Variants in RNF32 observed in about 807,000 individuals in gnomAD.
The protein encoded by RNF32 is ring finger protein 32.
RNF32 carries 36 observed loss-of-function variants against 41.0 expected under a neutral mutation model. The ratio of observed to expected loss-of-function variants is 0.88; its 90% CI spans 0.67 to 1.16. The LOEUF is 1.16. RNF32 is among the 50% of genes most tolerant of loss of function. The pLI is 0.00. For missense variants in RNF32, 413 were observed against 436.7 expected (o/e 0.95, Z 0.48); for synonymous variants, 154 against 160.9 (o/e 0.96, Z 0.32).
chr7:156,652,259 G>T (rs1469085553), intron 3 of RNF32, among the ~76,000 whole-genome samples: 2 of 152,054 alleles, frequency 1.3e-5, no homozygotes, highest in African/African-American at 4.8e-5. Context: ...TTTGAGGCCT[G>T]TTTTTTTGAG....
At position 156,655,182 on chromosome 7, in the gene RNF32, T is replaced by G. The variant is rs1799416031; in HGVS notation, c.417+464T>G. Among the ~76,000 whole-genome samples the G allele has an allele frequency of 2.0e-5, 3 of 151,724 alleles. No homozygotes were observed. In the South Asian group the frequency reaches 6.2e-4, roughly 31 times the overall value. ...TTTAATGATTTTTATTCATGAAACTTTACCATAGTAAGACTGATGATACTA... is the reference window on the plus strand; with the variant it reads ...TTTAATGATTTTTATTCATGAAACTGTACCATAGTAAGACTGATGATACTA... On this transcript the variant is annotated intron_variant, in intron 4 of 8. Coordinates refer to ENST00000317955, the MANE Select transcript of RNF32 (RefSeq NM_030936.4).
rs553635543 is a variant in RNF32 at position 156,663,913 on chromosome 7, C to G, written c.684+5343C>G. Among the ~76,000 whole-genome samples, 24 of 152,330 alleles carry G rather than the reference C, an allele frequency of 1.6e-4. No homozygotes were observed. The South Asian group carries it at 4.3e-3, about 28-fold the overall frequency. Reference sequence around the variant, plus strand: ...GCGTTACTGCCAAGAACATTCCACACGGATTACACTCTCAAATACATTTTA... The same window carrying G: ...GCGTTACTGCCAAGAACATTCCACAGGGATTACACTCTCAAATACATTTTA... On this transcript the variant is annotated intron_variant, in intron 7 of 8. Transcript: ENST00000317955.
chr7:156,644,724 G>T lies in RNF32; in HGVS notation c.241G>T (p.Val81Phe). Reference sequence around the variant, plus strand: ...ACTAGAAGACTCAGAAAAAGAATATGTTCTTGATCCCAAACCGCCGCCGTT... The same window carrying T: ...ACTAGAAGACTCAGAAAAAGAATATTTTCTTGATCCCAAACCGCCGCCGTT... ...PKLEDSEKEY[V>F]LDPKPPPLTL... The change falls in exon 3 of 9, where the codon GTT becomes TTT. Residue 81 changes from valine to phenylalanine, a missense_variant. Coordinates refer to ENST00000317955, the MANE Select transcript of RNF32 (RefSeq NM_030936.4). 4 of 1,610,748 alleles carry T rather than the reference G, an allele frequency of 2.5e-6. No homozygotes were observed. The highest frequency in any genetic ancestry group is 2.5e-6 in the Non-Finnish European group (3 of 1,179,438).
At chr7:156,652,596 G>GA (rs1171049430) in intron 3 of RNF32, among the ~76,000 whole-genome samples, 2 of 152,010 alleles carry the variant, frequency 1.3e-5, no homozygotes, top group Non-Finnish European at 2.9e-5. Flanking sequence ...TAATGGAGTT[G>GA]AAAAATTCCT....
chr7:156,676,948 G>A lies in RNF32; in HGVS notation c.*293G>A, dbSNP rs1018824455. 5 of 331,004 alleles carry A rather than the reference G, an allele frequency of 1.5e-5. No individual in the cohort carries two copies. The highest frequency in any genetic ancestry group is 2.8e-5 in the Non-Finnish European group (5 of 177,326). 20.5% of individuals were successfully genotyped at this position (331,004 alleles called of 1,614,324 possible). ...AAATTGAGGTTAAGATATAGCTAGT[G>A]TCTGAACGACACTCCTTAAAGTAAG... On this transcript the variant is annotated 3_prime_UTR_variant, in exon 9 of 9. Coordinates refer to ENST00000317955, the MANE Select transcript of RNF32 (RefSeq NM_030936.4).
intron 1 of RNF32, among the ~76,000 whole-genome samples, chr7:156,642,514 T>C (rs925639383): frequency 6.6e-6 from 1 of 152,252 alleles, no homozygotes; most frequent in Non-Finnish European, 1.5e-5. Context: ...GCTGGGCCTT[T>C]CTTACTGCAT....
chr7:156,666,722 A>G (rs778728726), intron 7 of RNF32, among the ~76,000 whole-genome samples: 2 of 152,206 alleles, frequency 1.3e-5, no homozygotes, highest in African/African-American at 2.4e-5. Context: ...AAGGTCACTC[A>G]AGCTGTTCTA....
intron 7 of RNF32, among the ~76,000 whole-genome samples, chr7:156,666,666 AC>A (rs1801379835): frequency 6.6e-6 from 1 of 152,196 alleles, no homozygotes. Flanking sequence ...GTCCTCGAAC[AC>A]TTATTCATTC....
intron 8 of RNF32, 141 bp downstream of exon 8, chr7:156,676,004 T>C: frequency 1.3e-6 from 1 of 792,382 alleles, no homozygotes; most frequent in Non-Finnish European, 1.8e-6. Flanking sequence ...GTGGAGGCTG[T>C]GGGGGTGGCA....
intron 7 of RNF32, among the ~76,000 whole-genome samples, chr7:156,666,130 T>A (rs1413504630): frequency 6.6e-6 from 1 of 152,198 alleles, no homozygotes; most frequent in Non-Finnish European, 1.5e-5. Context: ...AATAGTTTGA[T>A]ATTTTTAGAC....
At chr7:156,643,982 A>G in intron 2 of RNF32, 90 bp downstream of exon 2, 2 of 1,174,898 alleles carry the variant, frequency 1.7e-6, no homozygotes, top group South Asian at 2.6e-5. Context: ...ACTAGTTTGC[A>G]AACCCTGCTT....
intron 7 of RNF32, among the ~76,000 whole-genome samples, chr7:156,671,053 T>A (rs1251478974): frequency 6.6e-6 from 1 of 152,202 alleles, no homozygotes; most frequent in African/African-American, 2.4e-5. Flanking sequence ...GGATAAAAAT[T>A]CCAATTTAGA....
rs200889939 is a variant in RNF32, at chr7:156,675,783, A to G, written c.772A>G (p.Asn258Asp). 1.2e-6 allele frequency: 2 copies of G among 1,614,128 alleles called. No individual in the cohort carries two copies. The highest frequency in any genetic ancestry group is 2.2e-5 in the South Asian group (2 of 91,078). ...AGAAATCGATCAGTGCTTGGCCATAAATCGAAGTGTTCTTCAGCAGTTGGA... is the reference window on the plus strand; with the variant it reads ...AGAAATCGATCAGTGCTTGGCCATAGATCGAAGTGTTCTTCAGCAGTTGGA... ...FAEIDQCLAI[N>D]RSVLQQLEEK... Residue 258 changes from asparagine to aspartate, a missense_variant, in exon 8 of 9, where the codon AAT (asparagine) becomes GAT (aspartate). By Grantham distance (23) the Asn-to-Asp change is conservative. Coordinates refer to ENST00000317955, the MANE Select transcript of RNF32 (RefSeq NM_030936.4).
At chr7:156,674,136 C>T (rs1429771973) in intron 7 of RNF32, among the ~76,000 whole-genome samples, 1 of 152,210 alleles carries the variant, frequency 6.6e-6, no homozygotes, top group African/African-American at 2.4e-5. Flanking sequence ...AATAACCCCC[C>T]GAATTTCAGT....
intron 3 of RNF32, among the ~76,000 whole-genome samples, chr7:156,645,360 C>G (rs1266374795): frequency 1.3e-5 from 2 of 152,216 alleles, no homozygotes; most frequent in Non-Finnish European, 2.9e-5. Context: ...CTGAAAGGTA[C>G]AACATCACTT....
chr7:156,652,870 A>T (rs79234672), intron 3 of RNF32, among the ~76,000 whole-genome samples: 2 of 152,324 alleles, frequency 1.3e-5, no homozygotes, highest in Admixed American at 1.3e-4. Flanking sequence ...GCAGTGAGCC[A>T]TGACCACATC....
At chr7:156,673,530 G>A (rs917477190) in intron 7 of RNF32, among the ~76,000 whole-genome samples, 20 of 152,192 alleles carry the variant, frequency 1.3e-4, no homozygotes, top group Non-Finnish European at 1.0e-4. Flanking sequence ...TACATTCAGA[G>A]TGAAAGAGAA....
intron 7 of RNF32, among the ~76,000 whole-genome samples, chr7:156,675,121 G>A (rs1217135167): frequency 6.6e-6 from 1 of 152,206 alleles, no homozygotes; most frequent in African/African-American, 2.4e-5. Flanking sequence ...GTGCAGACCC[G>A]AAGAGGCAGC....
In RNF32 at chr7:156,671,848, T is replaced by TA. The variant is rs199932217; in HGVS notation, c.685-3841dup. On this transcript the variant is annotated intron_variant, in intron 7 of 8. Transcript: ENST00000317955. ...GCTGAGGCTAGAAATAAATTTTTTT[T>TA]AAAAAAATAGAACTATCTCACGTTT... 1.7e-3 allele frequency among the ~76,000 whole-genome samples: 256 copies of TA among 151,860 alleles called. 1 individual carries two copies. The highest frequency in any genetic ancestry group is 0.01 in the East Asian group (52 of 5,170).
Sources: allele counts gnomAD v4.1 joint callset (sites outside exome capture counted in the v4.1 genomes callset), GRCh38; gene constraint gnomAD v4.1.1; transcripts MANE v1.5; gene names NCBI Gene and HGNC (gene_info 2026-07-23, HGNC 2026-07-21).